CNOT7: variants seen among roughly 807,000 people sequenced by gnomAD.
CNOT7 encodes the protein CCR4-NOT transcription complex subunit 7, also known as BTG1-binding factor 1.
Under a neutral mutation model 37.1 loss-of-function variants are expected in CNOT7, and 4 were observed. The ratio of observed to expected loss-of-function variants is 0.11; its 90% CI spans 0.05 to 0.25. The LOEUF (loss-of-function observed/expected upper bound fraction) is 0.25. CNOT7 is among the 10% of genes least tolerant of loss of function. The pLI, the probability that CNOT7 is intolerant of heterozygous loss-of-function variation, is 1.00. For missense variants in CNOT7, 170 were observed against 336.2 expected (o/e 0.51, Z 3.87); for synonymous variants, 128 against 115.6 (o/e 1.11, Z -0.69).
At position 17,228,725 on chromosome 8, in the gene CNOT7, T is replaced by G. The variant is rs184936799; in HGVS notation, c.*1995A>C. On this transcript the variant is annotated 3_prime_UTR_variant, in exon 7 of 7. Coordinates refer to ENST00000361272, the MANE Select transcript of CNOT7 (RefSeq NM_013354.7). Reference sequence around the variant, plus strand: ...CAGAAGCCAGAAATGATACAAGTTATGAGATTGAGCAACTATGTGGCTAAT... The same window carrying G: ...CAGAAGCCAGAAATGATACAAGTTAGGAGATTGAGCAACTATGTGGCTAAT... 3 of 152,052 alleles carry G rather than the reference T, an allele frequency of 2.0e-5. No homozygotes were observed. Among genetic ancestry groups the G allele is most frequent in the Admixed American group, 1.3e-4 (2 of 15,248 alleles). 9.4% of individuals were successfully genotyped at this position (152,052 alleles called of 1,614,324 possible). A position where few individuals can be genotyped will look rare whatever the true frequency, so the allele number is the denominator to read the frequency against.
At chr8:17,243,537 C>T (rs771618526) in intron 2 of CNOT7, 5 of 473,322 alleles carry the variant, frequency 1.1e-5, no homozygotes, top group Non-Finnish European at 2.1e-5. Context: ...AACCAAGTTT[C>T]TTGAAGAACT....
chr8:17,234,999 C>G, intron 4 of CNOT7, 139 bp from the exon 5 acceptor site: 1 of 656,096 alleles, frequency 1.5e-6, no homozygotes, highest in South Asian at 2.1e-5. Context: ...CACACAAGAA[C>G]AGAGAAAACA....
intron 1 of CNOT7, chr8:17,246,383 G>C (rs1360697979): frequency 6.6e-6 from 1 of 152,628 alleles, no homozygotes; most frequent in Non-Finnish European, 1.5e-5. Context: ...AAGCACTGCC[G>C]CGTGAAACAA....
At chr8:17,234,328 GCCACCTTAGATT>G (rs1186213135) in intron 5 of CNOT7, among the ~76,000 whole-genome samples, 1 of 152,120 alleles carries the variant, frequency 6.6e-6, no homozygotes, top group African/African-American at 2.4e-5. Flanking sequence ...CATATCGCTG[GCCACCTTAGATT>G]CCACCTTGTA....
intron 3 of CNOT7, among the ~76,000 whole-genome samples, chr8:17,238,842 CGTAT>C (rs1362169436): frequency 6.6e-6 from 1 of 152,182 alleles, no homozygotes; most frequent in Admixed American, 6.5e-5. Context: ...TTTACATCTA[CGTAT>C]GTGAAGATCT....
In CNOT7 at chr8:17,242,748, C is replaced by T. The variant is rs1214173617; in HGVS notation, c.311+244G>A. Reference sequence around the variant, plus strand: ...TTTTCTATCAGAAGTACTTTCAATACCCAGTCTTCCAAATACAAAAAAAGC... The same window carrying T: ...TTTTCTATCAGAAGTACTTTCAATATCCAGTCTTCCAAATACAAAAAAAGC... On this transcript the variant is annotated intron_variant, in intron 3 of 6. Transcript: ENST00000361272. 1.6e-5 allele frequency: 5 copies of T among 321,130 alleles called. No individual in the cohort carries two copies. The Admixed American group carries it at 2.5e-4, about 16-fold the overall frequency. 19.9% of individuals were successfully genotyped at this position (321,130 alleles called of 1,614,324 possible).
chr8:17,232,254 T>C, intron 6 of CNOT7, 173 bp downstream of exon 6: 1 of 1,452,836 alleles, frequency 6.9e-7, no homozygotes, highest in South Asian at 1.5e-5. Context: ...CTGAACTACA[T>C]TTCAAGATGA....
chr8:17,237,831 A>T (rs1454005673), intron 3 of CNOT7, among the ~76,000 whole-genome samples: 1 of 152,224 alleles, frequency 6.6e-6, no homozygotes, highest in Non-Finnish European at 1.5e-5. Flanking sequence ...CAGTAAGGAG[A>T]CCCAGTGGAA....
chr8:17,231,990 T>C (rs1410577957), intron 6 of CNOT7: 1 of 995,952 alleles, frequency 1.0e-6, no homozygotes, highest in Non-Finnish European at 1.2e-6. Flanking sequence ...ATAATATATT[T>C]ATCACCAGTT....
rs565572481 is a variant in CNOT7, at chr8:17,240,010, G to C, written c.312-2637C>G. ...AAACAGAAGAGTTACAAAACACTGAGTTATAAAGACCACGACCAACTTTCC... is the reference window on the plus strand; with the variant it reads ...AAACAGAAGAGTTACAAAACACTGACTTATAAAGACCACGACCAACTTTCC... On this transcript the variant is annotated intron_variant, in intron 3 of 6. Coordinates refer to ENST00000361272, the MANE Select transcript of CNOT7 (RefSeq NM_013354.7). Among the ~76,000 whole-genome samples the C allele has an allele frequency of 2.0e-5, 3 of 152,310 alleles. No individual in the cohort carries two copies. The South Asian group carries it at 6.2e-4, about 32-fold the overall frequency.
intron 6 of CNOT7, chr8:17,231,480 G>A: frequency 1.0e-6 from 1 of 970,114 alleles, no homozygotes; most frequent in East Asian, 1.1e-4. Context: ...GTCATGAATG[G>A]ATAGTCCAAA....
chr8:17,230,678 C>T lies in CNOT7; in HGVS notation c.*42G>A. 1.3e-6 allele frequency: 2 copies of T among 1,559,838 alleles called. No individual in the cohort carries two copies. The highest frequency in any genetic ancestry group is 1.2e-5 in the South Asian group (1 of 82,876). On this transcript the variant is annotated 3_prime_UTR_variant, in exon 7 of 7. Transcript: ENST00000361272. ...ACCAGAGATAAAACCTATATACAAGCATGTGTGTAGCTCGAAATAAAAATA... is the reference window on the plus strand; with the variant it reads ...ACCAGAGATAAAACCTATATACAAGTATGTGTGTAGCTCGAAATAAAAATA...
rs1487572467 is a variant in CNOT7 at position 17,228,580 on chromosome 8, C to A, written c.*2140G>T. On this transcript the variant is annotated 3_prime_UTR_variant, in exon 7 of 7. Transcript: ENST00000361272. ...ACACATTCAGTAGAAACTATAACCCCATCTTTGGTCCTAAGGCGCTCCTAA... is the reference window on the plus strand; with the variant it reads ...ACACATTCAGTAGAAACTATAACCCAATCTTTGGTCCTAAGGCGCTCCTAA... 1 of 151,898 alleles carries A rather than the reference C, an allele frequency of 6.6e-6. No homozygotes were observed. The highest frequency in any genetic ancestry group is 1.5e-5 in the Non-Finnish European group (1 of 67,850). The allele number at this position is 151,898 out of a possible 1,614,324, so 9.4% of individuals were successfully genotyped here.
chr8:17,238,509 CTTTTTTTT>C (rs75080604), intron 3 of CNOT7, among the ~76,000 whole-genome samples: 1 of 139,402 alleles, frequency 7.2e-6, no homozygotes, highest in African/African-American at 2.6e-5. Context: ...GAAGTAGTTT[CTTTTTTTT>C]TTTTTTTTTC....
At position 17,226,215 on chromosome 8, in the gene CNOT7, TCTA is replaced by T. The variant is rs1225788233; in HGVS notation, c.*4502_*4504del. 6.6e-6 allele frequency: 1 copy of T among 151,286 alleles called. No individual in the cohort carries two copies. Among genetic ancestry groups the T allele is most frequent in the African/African-American group, 2.4e-5 (1 of 41,296 alleles). The allele number at this position is 151,286 out of a possible 1,614,324, so 9.4% of individuals were successfully genotyped here. On this transcript the variant is annotated 3_prime_UTR_variant, in exon 7 of 7. Transcript: ENST00000361272. ...TTTTTTCTTTTTTTAGTAATAGAGT[TCTA>T]CTAATGGGAATAATGGGATTTTTTG... is the stretch of plus-strand genomic sequence containing the variant.
At chr8:17,231,912 C>CG (rs1808679334) in intron 6 of CNOT7, 1 of 986,532 alleles carries the variant, frequency 1.0e-6, no homozygotes, top group South Asian at 4.7e-5. Flanking sequence ...TTTTAAGACT[C>CG]AATGCAGTAA....
chr8:17,235,813 C>A (rs1334534706), intron 4 of CNOT7, among the ~76,000 whole-genome samples: 1 of 152,138 alleles, frequency 6.6e-6, no homozygotes, highest in African/African-American at 2.4e-5. Flanking sequence ...GGAATAAAAT[C>A]TTCTATCTTG....
intron 3 of CNOT7, among the ~76,000 whole-genome samples, chr8:17,238,165 TAAAAC>T (rs750548891): frequency 2.6e-4 from 39 of 152,324 alleles, no homozygotes; most frequent in Non-Finnish European, 4.0e-4. Context: ...TCTGAAATAT[TAAAAC>T]AAAAAAGTTA....
intron 4 of CNOT7, among the ~76,000 whole-genome samples, chr8:17,236,046 A>G (rs1809313765): frequency 6.6e-6 from 1 of 152,234 alleles, no homozygotes; most frequent in African/African-American, 2.4e-5. Context: ...GACTAAAAAA[A>G]AGGTATTTGT....
Sources: allele counts gnomAD v4.1 joint callset (sites outside exome capture counted in the v4.1 genomes callset), GRCh38; gene constraint gnomAD v4.1.1; transcripts MANE v1.5; gene names NCBI Gene and HGNC (gene_info 2026-07-23, HGNC 2026-07-21).